FAM78B: variants seen among roughly 807,000 people sequenced by gnomAD.
The protein encoded by FAM78B is family with sequence similarity 78 member B, also known as protein FAM78B.
FAM78B carries 10 observed loss-of-function variants against 20.0 expected under a neutral mutation model. That is an observed-to-expected ratio of 0.50 (90% CI 0.31 to 0.85). The LOEUF is 0.85. Ranked by LOEUF, FAM78B falls within the 40% of genes least tolerant of loss-of-function variation. The pLI, the probability that FAM78B is intolerant of heterozygous loss-of-function variation, is 0.05. For missense variants in FAM78B, 283 were observed against 345.0 expected (o/e 0.82, Z 1.42); for synonymous variants, 135 against 132.8 (o/e 1.02, Z -0.12).
intron 1 of FAM78B, chr1:166,082,858 C>T (rs1384456639): frequency 4.6e-5 from 7 of 152,202 alleles, no homozygotes; most frequent in African/African-American, 1.7e-4. Context: ...AATGCAGACA[C>T]ATTGGAACGA....
At chr1:166,158,341 A>G (rs1009749193) in intron 1 of FAM78B, among the ~76,000 whole-genome samples, 42 of 152,204 alleles carry the variant, frequency 2.8e-4, no homozygotes, top group Admixed American at 7.2e-4. Context: ...CGGATAGATA[A>G]ATAAATAAAT....
chr1:166,102,588 A>G (rs1653573990), intron 1 of FAM78B, among the ~76,000 whole-genome samples: 1 of 152,204 alleles, frequency 6.6e-6, no homozygotes, highest in South Asian at 2.1e-4. Flanking sequence ...CTTTAAACCA[A>G]CAAAGATCAA....
At chr1:166,137,742 T>C (rs1655121723) in intron 1 of FAM78B, among the ~76,000 whole-genome samples, 1 of 152,236 alleles carries the variant, frequency 6.6e-6, no homozygotes, top group Admixed American at 6.5e-5. Context: ...AGTAAATAGA[T>C]GTGGAAACAC....
At chr1:166,060,187 G>A (rs1571119586) in exon 3 of FAM78B, 1 of 189,486 alleles carries the variant, frequency 5.3e-6, no homozygotes, top group African/African-American at 2.3e-5. Context: ...GAAGGAGGAG[G>A]AAGGGAGATA....
chr1:166,154,792 C>A, intron 1 of FAM78B: 1 of 488,462 alleles, frequency 2.0e-6, no homozygotes, highest in Non-Finnish European at 4.3e-6. Context: ...TTCTGTCCCT[C>A]ACTAGTTGTG....
chr1:166,131,578 A>G (rs1023998601), intron 1 of FAM78B, among the ~76,000 whole-genome samples: 1 of 152,134 alleles, frequency 6.6e-6, no homozygotes, highest in African/African-American at 2.4e-5. Context: ...GAGAAGACCT[A>G]TCTTAGGGGG....
chr1:166,060,617 T>C (rs1271816676), exon 3 of FAM78B: 1 of 1,289,154 alleles, frequency 7.8e-7, no homozygotes, highest in Non-Finnish European at 1.0e-6. Context: ...TCTCAGTCTC[T>C]GCCATGTGGT....
chr1:166,104,557 A>G (rs1194443287), intron 1 of FAM78B, among the ~76,000 whole-genome samples: 1 of 148,372 alleles, frequency 6.7e-6, no homozygotes, highest in Admixed American at 7.0e-5. Context: ...TTATACACCA[A>G]TAACAGACAA....
chr1:166,101,085 CTGGAG>C (rs1653495825), intron 1 of FAM78B, among the ~76,000 whole-genome samples: 1 of 152,238 alleles, frequency 6.6e-6, no homozygotes, highest in African/African-American at 2.4e-5. Flanking sequence ...CAAACAGGGT[CTGGAG>C]TGGGCCTCTG....
chr1:166,105,419 A>G (rs1328632248), intron 1 of FAM78B, among the ~76,000 whole-genome samples: 2 of 152,020 alleles, frequency 1.3e-5, no homozygotes, highest in East Asian at 1.9e-4. Context: ...TGAACAGGCA[A>G]CCTACAGAAT....
At chr1:166,103,666 C>T (rs1287178506) in intron 1 of FAM78B, among the ~76,000 whole-genome samples, 1 of 152,180 alleles carries the variant, frequency 6.6e-6, no homozygotes, top group Non-Finnish European at 1.5e-5. Context: ...GAAGTTGAAT[C>T]TCTGAATAGA....
At chr1:166,124,693 C>G (rs115425836) in intron 1 of FAM78B, among the ~76,000 whole-genome samples, 1 of 152,346 alleles carries the variant, frequency 6.6e-6, no homozygotes, top group Admixed American at 6.5e-5. Context: ...TGACAGCCAT[C>G]CTTGCACTGC....
At chr1:166,066,292 G>T (rs1288956878), downstream of FAM78B, among the ~76,000 whole-genome samples, 2 of 152,216 alleles carry the variant, frequency 1.3e-5, no homozygotes, top group Non-Finnish European at 2.9e-5. Context: ...CCCCTGTCAG[G>T]CATTATATTC....
rs72703928 is a variant in FAM78B, at chr1:166,111,850, C to T, written c.264-41087G>A. On this transcript the variant is annotated intron_variant, in intron 1 of 1. Transcript: ENST00000354422. ...AGCCATAGAGCAGCGTCCCTGGCTT[C>T]CCAGAGGCTATACTTCATTGCCTGT... Among the ~76,000 whole-genome samples, 1,149 of 152,324 alleles carry T rather than the reference C, an allele frequency of 7.5e-3. 6 individuals carry two copies. Among genetic ancestry groups the T allele is most frequent in the Non-Finnish European group, 0.013 (856 of 68,022 alleles).
At chr1:166,150,058 C>T (rs748844136) in intron 1 of FAM78B, among the ~76,000 whole-genome samples, 2 of 152,184 alleles carry the variant, frequency 1.3e-5, no homozygotes, top group Non-Finnish European at 2.9e-5. Flanking sequence ...GAGCTAGCTA[C>T]TTCGGACTCT....
intron 1 of FAM78B, among the ~76,000 whole-genome samples, chr1:166,101,270 T>TA (rs1653503472): frequency 6.6e-6 from 1 of 152,160 alleles, no homozygotes; most frequent in Non-Finnish European, 1.5e-5. Flanking sequence ...CTGAAAATTC[T>TA]AAAAATCAGA....
intron 1 of FAM78B, among the ~76,000 whole-genome samples, chr1:166,139,225 A>G (rs1341638289): frequency 6.6e-6 from 1 of 152,240 alleles, no homozygotes; most frequent in Non-Finnish European, 1.5e-5. Flanking sequence ...GAGCCAACAT[A>G]AGAAACTTTG....
chr1:166,163,276 T>C (rs1656227698), intron 1 of FAM78B, among the ~76,000 whole-genome samples: 1 of 152,254 alleles, frequency 6.6e-6, no homozygotes, highest in African/African-American at 2.4e-5. Context: ...GCCTGGTTTC[T>C]ATAGAATCAT....
At chr1:166,094,398 G>A (rs1396454997) in intron 1 of FAM78B, among the ~76,000 whole-genome samples, 3 of 152,182 alleles carry the variant, frequency 2.0e-5, no homozygotes, top group Non-Finnish European at 4.4e-5. Context: ...ATGCCATGGC[G>A]GGGCTCTCCA....
Sources: allele counts gnomAD v4.1 joint callset (sites outside exome capture counted in the v4.1 genomes callset), GRCh38; gene constraint gnomAD v4.1.1; transcripts MANE v1.5; gene names NCBI Gene and HGNC (gene_info 2026-07-23, HGNC 2026-07-21).